ELP4: variants seen among roughly 807,000 people sequenced by gnomAD.
ELP4 encodes the protein elongator acetyltransferase complex subunit 4, also known as elongator complex protein 4.
A neutral mutation model predicts 48.9 loss-of-function variants in ELP4; 51 were observed. That is an observed-to-expected ratio of 1.04 (90% confidence interval 0.83 to 1.32). ELP4 has a LOEUF of 1.32. Among genes scored for constraint, ELP4 ranks in the 40% most tolerant of loss-of-function variants. The pLI, the probability that ELP4 is intolerant of heterozygous loss-of-function variation, is 0.00. For synonymous variants in ELP4, 210 were observed against 189.2 expected, an observed-to-expected ratio of 1.11 and a Z score of -0.90; for missense variants, 519 against 514.6, an observed-to-expected ratio of 1.01 and a Z score of -0.08.
At chr11:31,536,697 T>A (rs1365418470) in intron 2 of ELP4, among the ~76,000 whole-genome samples, 1 of 152,238 alleles carries the variant, frequency 6.6e-6, no homozygotes, top group African/African-American at 2.4e-5. Flanking sequence ...GCATTGCAAC[T>A]AACAATGTTG....
chr11:31,603,959 A>G, intron 5 of ELP4, 52 bp downstream of exon 5: 1 of 1,506,784 alleles, frequency 6.6e-7, no homozygotes, highest in African/African-American at 1.4e-5. Context: ...TATTAGTAGA[A>G]TGCACTTTTA....
chr11:31,609,892 A>C (rs1186057755), intron 5 of ELP4, among the ~76,000 whole-genome samples: 1 of 152,062 alleles, frequency 6.6e-6, no homozygotes, highest in Non-Finnish European at 1.5e-5. Flanking sequence ...CAAACAAAAA[A>C]TACTAATAGC....
intron 5 of ELP4, among the ~76,000 whole-genome samples, chr11:31,607,078 A>G (rs1442403162): frequency 6.6e-6 from 1 of 152,176 alleles, no homozygotes; most frequent in Non-Finnish European, 1.5e-5. Context: ...GGAGCATGCA[A>G]GAATGAAAGG....
At chr11:31,742,356 G>A (rs555740322) in intron 9 of ELP4, among the ~76,000 whole-genome samples, 2 of 152,300 alleles carry the variant, frequency 1.3e-5, no homozygotes, top group East Asian at 3.9e-4. Flanking sequence ...CCCCAATCTA[G>A]CAAGGCAGGC....
intron 9 of ELP4, among the ~76,000 whole-genome samples, chr11:31,741,242 GC>G (rs1294623562): frequency 2.6e-5 from 4 of 152,222 alleles, no homozygotes; most frequent in Non-Finnish European, 5.9e-5. Flanking sequence ...AAACAAAGCG[GC>G]CGGTAAGCTG....
At chr11:31,655,753 A>G (rs1344593199) in intron 9 of ELP4, among the ~76,000 whole-genome samples, 1 of 152,040 alleles carries the variant, frequency 6.6e-6, no homozygotes, top group Non-Finnish European at 1.5e-5. Context: ...ACATGACTAG[A>G]CACATGCTAA....
At chr11:31,726,626 A>G (rs1315050247) in intron 9 of ELP4, among the ~76,000 whole-genome samples, 1 of 152,194 alleles carries the variant, frequency 6.6e-6, no homozygotes, top group Non-Finnish European at 1.5e-5. Flanking sequence ...AAAGTAACAT[A>G]GAAATCCTAA....
intron 9 of ELP4, among the ~76,000 whole-genome samples, chr11:31,758,879 GC>G (rs1947886058): frequency 6.6e-6 from 1 of 151,986 alleles, no homozygotes; most frequent in Admixed American, 6.6e-5. Context: ...TGTTGCCCAA[GC>G]TGGTCTCGAA....
chr11:31,779,031 C>T (rs1287611529), intron 9 of ELP4, among the ~76,000 whole-genome samples: 1 of 151,726 alleles, frequency 6.6e-6, no homozygotes, highest in Non-Finnish European at 1.5e-5. Flanking sequence ...TTTAAATTGG[C>T]AATGTTTTAA....
intron 8 of ELP4, chr11:31,648,902 AT>A: frequency 6.6e-6 from 1 of 151,708 alleles, no homozygotes; most frequent in South Asian, 2.1e-4. Context: ...GAAATTATTA[AT>A]TTATTCTATA....
At chr11:31,738,917 AAGG>A (rs1947384474) in intron 9 of ELP4, among the ~76,000 whole-genome samples, 1 of 152,162 alleles carries the variant, frequency 6.6e-6, no homozygotes, top group Non-Finnish European at 1.5e-5. Context: ...CAGAGACTGA[AAGG>A]AGGGAAAATG....
chr11:31,596,305 T>A (rs1957670621), intron 4 of ELP4, among the ~76,000 whole-genome samples: 1 of 152,194 alleles, frequency 6.6e-6, no homozygotes, highest in Non-Finnish European at 1.5e-5. Context: ...CTCAGAAGGC[T>A]GAGGCAGAGA....
chr11:31,772,566 T>C (rs1465729783), intron 9 of ELP4, among the ~76,000 whole-genome samples: 2 of 152,226 alleles, frequency 1.3e-5, no homozygotes, highest in African/African-American at 2.4e-5. Flanking sequence ...GTTTTGTCTC[T>C]AGTGCTTAGA....
intron 3 of ELP4, among the ~76,000 whole-genome samples, chr11:31,561,467 A>T (rs1282291000): frequency 1.3e-5 from 2 of 151,938 alleles, no homozygotes; most frequent in African/African-American, 4.8e-5. Flanking sequence ...TTTGAGATGG[A>T]GTATCGCTCT....
At chr11:31,524,342 T>G (rs575955254) in intron 2 of ELP4, among the ~76,000 whole-genome samples, 2 of 152,372 alleles carry the variant, frequency 1.3e-5, no homozygotes, top group South Asian at 4.1e-4. Context: ...CGTGGTTGTT[T>G]ACAACATTCA....
Position 31,754,302 on chromosome 11 carries a change from C to T in ELP4, c.1144-29091C>T, listed in dbSNP as rs373234176. On this transcript the variant is annotated intron_variant, in intron 9 of 9. Coordinates refer to ENST00000640961, the MANE Select transcript of ELP4 (RefSeq NM_019040.5). ...ACGCCAGTGGCTTCTCATTAAAATCCGTACTATTTACTCTGACTTACAAAG... is the reference window on the plus strand; with the variant it reads ...ACGCCAGTGGCTTCTCATTAAAATCTGTACTATTTACTCTGACTTACAAAG... Among the ~76,000 whole-genome samples, 4 of 152,178 alleles carry T rather than the reference C, an allele frequency of 2.6e-5. No homozygotes were observed. The East Asian group carries it at 5.8e-4, about 22-fold the overall frequency.
Position 31,608,824 on chromosome 11 carries a change from G to A in ELP4, c.653+4917G>A, listed in dbSNP as rs1394979239. 5.9e-5 allele frequency among the ~76,000 whole-genome samples: 9 copies of A among 152,120 alleles called. No individual in the cohort carries two copies. In the South Asian group the frequency reaches 8.3e-4, roughly 14 times the overall value. On this transcript the variant is annotated intron_variant, in intron 5 of 9. Coordinates refer to ENST00000640961, the MANE Select transcript of ELP4 (RefSeq NM_019040.5). ...GAGACGAGACCTGGGAAGGGTAAGT[G>A]GGTGCTAAAAATTTAGATAAAGCCG...
At chr11:31,514,436 G>A (rs1259122306) in intron 1 of ELP4, among the ~76,000 whole-genome samples, 1 of 152,160 alleles carries the variant, frequency 6.6e-6, no homozygotes, top group African/African-American at 2.4e-5. Context: ...TCCAGCCTGG[G>A]TGACAGTGAG....
At chr11:31,689,593 T>C (rs549319940) in intron 9 of ELP4, among the ~76,000 whole-genome samples, 5 of 152,030 alleles carry the variant, frequency 3.3e-5, no homozygotes, top group South Asian at 4.2e-4. Flanking sequence ...AGAATTACAT[T>C]ATGTGAAAGC....
Sources: allele counts gnomAD v4.1 joint callset (sites outside exome capture counted in the v4.1 genomes callset), GRCh38; gene constraint gnomAD v4.1.1; transcripts MANE v1.5; gene names NCBI Gene and HGNC (gene_info 2026-07-23, HGNC 2026-07-21).